The following GPR149 variants were observed in gnomAD, a reference collection of about 807,000 sequenced individuals.
GPR149 encodes the protein probable G protein-coupled receptor 149.
Under a neutral mutation model 50.2 loss-of-function variants are expected in GPR149, and 50 were observed. That is an observed-to-expected ratio of 1.00 (90% CI 0.79 to 1.26). The LOEUF (loss-of-function observed/expected upper bound fraction) is 1.26, where lower values mean the gene tolerates loss of function less well. Among genes scored for constraint, GPR149 ranks in the 50% most tolerant of loss-of-function variants. The pLI, the probability that GPR149 is intolerant of heterozygous loss-of-function variation, is 0.00. For synonymous variants in GPR149, 405 were observed against 358.2 expected, an observed-to-expected ratio of 1.13 and a Z score of -1.48; for missense variants, 983 against 895.4, an observed-to-expected ratio of 1.10 and a Z score of -1.25.
intron 3 of GPR149, among the ~76,000 whole-genome samples, chr3:154,338,529 C>G (rs938473035): frequency 6.6e-6 from 1 of 152,092 alleles, no homozygotes; most frequent in African/African-American, 2.4e-5. Flanking sequence ...CAGTTAAAGG[C>G]AAAGGTGTGT....
At chr3:154,397,426 C>A (rs1015350311) in intron 3 of GPR149, among the ~76,000 whole-genome samples, 2 of 152,138 alleles carry the variant, frequency 1.3e-5, no homozygotes, top group South Asian at 2.1e-4. Flanking sequence ...TTGGCTCAAA[C>A]TGGCTCATGC....
chr3:154,430,122 GGAGA>G lies in GPR149; in HGVS notation c.-511_-508del, dbSNP rs1176906149. Among the ~76,000 whole-genome samples the G allele has an allele frequency of 6.9e-6, 1 of 144,858 alleles. No individual in the cohort carries two copies. Among genetic ancestry groups the G allele is most frequent in the African/African-American group, 2.6e-5 (1 of 37,962 alleles). ...TCAGGTAGGTTTCAGCTTTGAAGGTGGAGAGAGAGAGAGAGACAGAGAGAGAGAG... is the reference window on the plus strand; with the variant it reads ...TCAGGTAGGTTTCAGCTTTGAAGGTGGAGAGAGAGAGACAGAGAGAGAGAG... On this transcript the variant is annotated 5_prime_UTR_variant, in exon 1 of 4. Transcript: ENST00000389740.
intron 3 of GPR149, among the ~76,000 whole-genome samples, chr3:154,395,709 T>A (rs957611001): frequency 6.6e-6 from 1 of 152,066 alleles, no homozygotes; most frequent in African/African-American, 2.4e-5. Context: ...GGTAGGAGGA[T>A]CCTCGAGCCC....
rs752409198 is a variant in GPR149, at chr3:154,337,967, G to T, written c.1928C>A (p.Ser643Tyr). ...TVSIISNISQ[S>Y]STQVRSPSLR... The stretch of plus-strand genomic sequence containing the variant: ...GGATGGAGATCTGACTTGTGTGGAG[G>T]ACTGACTGATGTTACTAATGATTGA... The change falls in exon 4 of 4, where the codon TCC becomes TAC. Residue 643 changes from serine to tyrosine, a missense_variant. Ser to Tyr is a moderately radical substitution (Grantham distance 144, BLOSUM62 -2). Transcript: ENST00000389740. The T allele has an allele frequency of 6.2e-7, 1 of 1,614,026 alleles. No individual in the cohort carries two copies. The highest frequency in any genetic ancestry group is 8.5e-7 in the Non-Finnish European group (1 of 1,179,960).
At chr3:154,359,902 G>A (rs575542527) in intron 3 of GPR149, among the ~76,000 whole-genome samples, 66 of 152,266 alleles carry the variant, frequency 4.3e-4, no homozygotes, top group African/African-American at 1.5e-3. Context: ...TATGGATGAA[G>A]GTGGTGGAAG....
intron 3 of GPR149, among the ~76,000 whole-genome samples, chr3:154,369,198 C>A (rs1714605741): frequency 6.6e-6 from 1 of 152,144 alleles, no homozygotes; most frequent in Non-Finnish European, 1.5e-5. Flanking sequence ...ACTGGACACT[C>A]CCTTAAGATG....
chr3:154,415,338 C>T (rs1711957121), intron 3 of GPR149, among the ~76,000 whole-genome samples: 1 of 151,930 alleles, frequency 6.6e-6, no homozygotes, highest in Admixed American at 6.6e-5. Context: ...AGCTATTTTA[C>T]TCATTGCAGC....
chr3:154,357,616 C>T lies in GPR149; in HGVS notation c.1624-19345G>A, dbSNP rs536266817. Among the ~76,000 whole-genome samples, 81 of 152,162 alleles carry T rather than the reference C, an allele frequency of 5.3e-4. 1 individual carries two copies. The South Asian group carries it at 6.4e-3, about 12-fold the overall frequency. ...TACCATCTCACACCAGTTAGAATGGCGATCATTAAAAAGTCAGGAAACAAC... is the reference window on the plus strand; with the variant it reads ...TACCATCTCACACCAGTTAGAATGGTGATCATTAAAAAGTCAGGAAACAAC... On this transcript the variant is annotated intron_variant, in intron 3 of 3. Transcript: ENST00000389740.
chr3:154,421,512 T>C, intron 2 of GPR149, 25 bp from the exon 3 acceptor site: 2 of 1,285,268 alleles, frequency 1.6e-6, no homozygotes, highest in Non-Finnish European at 2.1e-6. Flanking sequence ...AAACAACAGT[T>C]TATGGCTAGT....
At chr3:154,368,439 C>T (rs1331148002) in intron 3 of GPR149, among the ~76,000 whole-genome samples, 6 of 152,214 alleles carry the variant, frequency 3.9e-5, no homozygotes, top group African/African-American at 1.4e-4. Context: ...TGGTCCCCTA[C>T]ATCAGGACAA....
At chr3:154,402,281 C>T (rs1711565631) in intron 3 of GPR149, among the ~76,000 whole-genome samples, 1 of 151,886 alleles carries the variant, frequency 6.6e-6, no homozygotes, top group African/African-American at 2.4e-5. Context: ...GGCCAGGCAC[C>T]ATGGCTCACA....
intron 3 of GPR149, among the ~76,000 whole-genome samples, chr3:154,385,994 C>T (rs1274693949): frequency 2.0e-5 from 3 of 152,156 alleles, no homozygotes; most frequent in Non-Finnish European, 4.4e-5. Flanking sequence ...ACACAAATTT[C>T]TATAACTCTC....
rs141747460 is a variant in GPR149, at chr3:154,421,259, C to T, written c.1403G>A (p.Arg468Lys). 3.7e-6 allele frequency: 6 copies of T among 1,613,358 alleles called. No homozygotes were observed. In the African/African-American group the frequency reaches 5.3e-5, roughly 14 times the overall value. ...AGTATTTGTGCATTTGTTGATGCCT[C>T]TTTGTGTGGAGCTGTCCAGAGAGGG... ...TTPSLDSSTQ[R>K]GINKCTNTDI... Residue 468 changes from arginine (R) to lysine (K), a missense_variant, in exon 3 of 4, where the codon AGA (arginine) becomes AAA (lysine). Physicochemically the swap from Arg to Lys is conservative, Grantham distance 26. Transcript: ENST00000389740.
intron 3 of GPR149, chr3:154,352,354 C>G (rs1304536088): frequency 1.8e-6 from 2 of 1,120,674 alleles, no homozygotes; most frequent in African/African-American, 3.1e-5. Flanking sequence ...TCATAATATT[C>G]TTCAATTTCA....
rs1161689746 is a variant in GPR149 at position 154,352,095 on chromosome 3, CA to C, written c.1624-13825del. ...GGTGGATAATATACATAATTAGGCA[CA>C]AATAGGCAAGTTCACACTGGTAGAT... On this transcript the variant is annotated intron_variant, in intron 3 of 3. Transcript: ENST00000389740. 8.0e-6 allele frequency: 5 copies of C among 622,348 alleles called. No individual in the cohort carries two copies. The Admixed American group carries it at 1.5e-4, about 18-fold the overall frequency. The allele number at this position is 622,348 out of a possible 1,614,324, so 38.6% of individuals were successfully genotyped here. A position where few individuals can be genotyped will look rare whatever the true frequency, so the allele number is the denominator to read the frequency against.
chr3:154,382,557 T>C (rs1714951818), intron 3 of GPR149, among the ~76,000 whole-genome samples: 2 of 152,206 alleles, frequency 1.3e-5, no homozygotes, highest in African/African-American at 4.8e-5. Flanking sequence ...CAAAATATCA[T>C]ATTGAAAAAT....
At position 154,429,208 on chromosome 3, in the gene GPR149, T is replaced by G. The variant is rs756568755; in HGVS notation, c.408A>C (p.Arg136Ser). ...LVSYNFYTMH[R>S]GVGSQTASRR... is the part of the protein sequence containing the mutation. ...TGGAGGCTGTCTGGCTCCCCACACC[T>G]CTGTGCATCGTATAAAAGTTGTAAG... is the stretch of plus-strand genomic sequence containing the variant. Residue 136 changes from arginine (R) to serine (S), a missense_variant, in exon 1 of 4, where the codon AGA becomes AGC. Transcript: ENST00000389740. The G allele has an allele frequency of 6.2e-7, 1 of 1,614,096 alleles. No individual in the cohort carries two copies. Among genetic ancestry groups the G allele is most frequent in the Non-Finnish European group, 8.5e-7 (1 of 1,180,008 alleles).
intron 3 of GPR149, among the ~76,000 whole-genome samples, chr3:154,414,976 C>A (rs2108426122): frequency 6.6e-6 from 1 of 152,030 alleles, no homozygotes; most frequent in Non-Finnish European, 1.5e-5. Context: ...TTATTAATTT[C>A]TTGATAATTG....
At chr3:154,356,838 G>C (rs1302236300) in intron 3 of GPR149, among the ~76,000 whole-genome samples, 1 of 152,038 alleles carries the variant, frequency 6.6e-6, no homozygotes, top group East Asian at 1.9e-4. Context: ...CTACTTTAAA[G>C]TTCATATGGA....
Sources: allele counts gnomAD v4.1 joint callset (sites outside exome capture counted in the v4.1 genomes callset), GRCh38; gene constraint gnomAD v4.1.1; transcripts MANE v1.5; gene names NCBI Gene and HGNC (gene_info 2026-07-23, HGNC 2026-07-21).